Variants in KCNN2 observed in about 807,000 individuals in gnomAD.
The protein encoded by KCNN2 is small conductance calcium-activated potassium channel protein 2.
A neutral mutation model predicts 55.5 loss-of-function variants in KCNN2; 24 were observed. That is an observed-to-expected ratio of 0.43 (90% CI 0.31 to 0.61). The LOEUF (loss-of-function observed/expected upper bound fraction) is 0.61. KCNN2 is among the 20% of genes least tolerant of loss of function. The pLI, the probability that KCNN2 is intolerant of heterozygous loss-of-function variation, is 0.08. For synonymous variants in KCNN2, 431 were observed against 336.1 expected (o/e 1.28, Z -3.09); for missense variants, 754 against 853.6 (o/e 0.88, Z 1.45).
intron 3 of KCNN2, among the ~76,000 whole-genome samples, chr5:114,438,236 A>G (rs1760078669): frequency 6.6e-6 from 1 of 152,202 alleles, no homozygotes; most frequent in Non-Finnish European, 1.5e-5. Context: ...AGTGCCAGAT[A>G]GTAACATAAA....
intron 7 of KCNN2, 46 bp downstream of exon 7, chr5:114,493,518 A>G: frequency 7.9e-7 from 1 of 1,270,982 alleles, no homozygotes; most frequent in African/African-American, 1.5e-5. Context: ...TGTTGAAATC[A>G]ACCACTTCAC....
At chr5:114,119,320 C>T (rs966373425) in intron 1 of KCNN2, among the ~76,000 whole-genome samples, 4 of 152,152 alleles carry the variant, frequency 2.6e-5, no homozygotes, top group African/African-American at 9.7e-5. Context: ...TACTTAGATA[C>T]ACAAAAGTCT....
intron 2 of KCNN2, among the ~76,000 whole-genome samples, chr5:114,281,195 T>C (rs1755616666): frequency 6.6e-6 from 1 of 152,220 alleles, no homozygotes; most frequent in Admixed American, 6.6e-5. Context: ...TTTATTTGTT[T>C]GCTGTGTGTT....
chr5:114,294,394 CTT>C (rs1393352544), intron 2 of KCNN2, among the ~76,000 whole-genome samples: 1 of 152,006 alleles, frequency 6.6e-6, no homozygotes, highest in African/African-American at 2.4e-5. Context: ...TATGTTGTGT[CTT>C]TGTTCTCGTT....
chr5:114,436,635 A>G (rs140713716), intron 3 of KCNN2, among the ~76,000 whole-genome samples: 63 of 152,314 alleles, frequency 4.1e-4, no homozygotes, highest in African/African-American at 1.4e-3. Context: ...CTTTTGGACT[A>G]TGTGTATAAC....
chr5:114,213,898 GAA>G (rs1753940516), intron 1 of KCNN2, among the ~76,000 whole-genome samples: 1 of 152,048 alleles, frequency 6.6e-6, no homozygotes, highest in South Asian at 2.1e-4. Context: ...TGCTTCACAA[GAA>G]AGAGTTCGAA....
chr5:114,313,374 T>C (rs965430886), intron 2 of KCNN2, among the ~76,000 whole-genome samples: 1 of 152,174 alleles, frequency 6.6e-6, no homozygotes, highest in African/African-American at 2.4e-5. Flanking sequence ...TAATTCTAGA[T>C]GTACAAGCTT....
chr5:114,479,410 A>G (rs1317302618), intron 5 of KCNN2, among the ~76,000 whole-genome samples: 2 of 152,198 alleles, frequency 1.3e-5, no homozygotes, highest in Non-Finnish European at 2.9e-5. Flanking sequence ...AGATTCATAA[A>G]GCAAGTACTT....
chr5:114,070,112 G>A (rs1397148721), intron 1 of KCNN2, among the ~76,000 whole-genome samples: 1 of 152,158 alleles, frequency 6.6e-6, no homozygotes, highest in Non-Finnish European at 1.5e-5. Context: ...TATCTTAACA[G>A]TGTGCACGAC....
chr5:114,346,091 C>A (rs1639246197), intron 2 of KCNN2, among the ~76,000 whole-genome samples: 1 of 152,126 alleles, frequency 6.6e-6, no homozygotes, highest in Non-Finnish European at 1.5e-5. Context: ...CCTCAGGGAG[C>A]TTTTAATCAT....
chr5:114,256,963 C>T (rs1345182539), intron 2 of KCNN2, among the ~76,000 whole-genome samples: 1 of 152,088 alleles, frequency 6.6e-6, no homozygotes, highest in Non-Finnish European at 1.5e-5. Context: ...AGAGATTTTC[C>T]TAAGTTTTCT....
rs559479018 is a variant in KCNN2 at position 114,080,478 on chromosome 5, T to C, written c.-271+23978T>C. ...ATACATTTAATTTATTTGGTAGATATAGGGCTATTCATGTTATCTGTTTCT... is the reference window on the plus strand; with the variant it reads ...ATACATTTAATTTATTTGGTAGATACAGGGCTATTCATGTTATCTGTTTCT... On this transcript the variant is annotated intron_variant, in intron 1 of 10. Coordinates refer to the KCNN2 transcript ENST00000512097. 2.0e-5 allele frequency among the ~76,000 whole-genome samples: 3 copies of C among 152,338 alleles called. No homozygotes were observed. The East Asian group carries it at 5.8e-4, about 29-fold the overall frequency.
At chr5:114,136,750 T>C (rs1163434999) in intron 1 of KCNN2, among the ~76,000 whole-genome samples, 2 of 152,190 alleles carry the variant, frequency 1.3e-5, no homozygotes, top group Non-Finnish European at 2.9e-5. Flanking sequence ...TCTCTGAGCC[T>C]CCCTTTCTTC....
At chr5:114,417,928 C>A (rs1759357353) in intron 3 of KCNN2, among the ~76,000 whole-genome samples, 1 of 152,144 alleles carries the variant, frequency 6.6e-6, no homozygotes, top group South Asian at 2.1e-4. Flanking sequence ...TCAGATAAAA[C>A]CTTACAAGTC....
chr5:114,144,815 G>A (rs1311484029), intron 1 of KCNN2, among the ~76,000 whole-genome samples: 1 of 145,376 alleles, frequency 6.9e-6, no homozygotes, highest in East Asian at 2.1e-4. Flanking sequence ...AATGTGGGGT[G>A]GGGGGAATAG....
intron 2 of KCNN2, among the ~76,000 whole-genome samples, chr5:114,292,119 A>T (rs1305215140): frequency 6.6e-6 from 1 of 152,126 alleles, no homozygotes; most frequent in Non-Finnish European, 1.5e-5. Context: ...AGATTGCAAA[A>T]ATTTTCTCCC....
chr5:114,148,834 A>C (rs1281488184), intron 1 of KCNN2, among the ~76,000 whole-genome samples: 1 of 152,088 alleles, frequency 6.6e-6, no homozygotes, highest in African/African-American at 2.4e-5. Flanking sequence ...CAGAAGGAGG[A>C]CTAGTAGGGG....
chr5:114,377,747 C>T lies in KCNN2; in HGVS notation c.1218+13746C>T, dbSNP rs554376511. Among the ~76,000 whole-genome samples the T allele has an allele frequency of 4.1e-4, 62 of 152,252 alleles. 2 individuals carry two copies. In the South Asian group the frequency reaches 9.1e-3, roughly 22 times the overall value. On this transcript the variant is annotated intron_variant, in intron 2 of 7. Coordinates refer to ENST00000673685, the MANE Select transcript of KCNN2 (RefSeq NM_021614.4). ...GTGTGACCGTAAGAAGACAGTATTA[C>T]CCCTCCCAGGCTCATTTTTTCATCT...
intron 2 of KCNN2, among the ~76,000 whole-genome samples, chr5:114,318,106 C>T (rs3112767): frequency 6.6e-6 from 1 of 152,104 alleles, no homozygotes. Flanking sequence ...TTACCTGACA[C>T]TGTCCTACTC....
Sources: gnomAD v4.1 joint callset for allele counts (sites outside exome capture counted in the v4.1 genomes callset) on GRCh38, gnomAD v4.1.1 for gene constraint, MANE v1.5 for transcripts, NCBI Gene and HGNC (gene_info 2026-07-23, HGNC 2026-07-21) for gene names.